Variants in DLG2 observed in about 807,000 individuals in gnomAD.
DLG2 encodes discs large MAGUK scaffold protein 2.
DLG2 carries 45 observed loss-of-function variants against 132.5 expected under a neutral mutation model. The ratio of observed to expected loss-of-function variants is 0.34; its 90% CI spans 0.27 to 0.44. The LOEUF is 0.44. Ranked by LOEUF, DLG2 falls within the 20% of genes least tolerant of loss-of-function variation. The probability of loss-of-function intolerance (pLI) is 1.00; values close to 1 mark genes in which losing one functional copy is unlikely to be tolerated. For synonymous variants in DLG2, 424 were observed against 419.6 expected (o/e 1.01, Z -0.13); for missense variants, 1,045 against 1,196.9 (o/e 0.87, Z 1.87).
intron 6 of DLG2, among the ~76,000 whole-genome samples, chr11:84,933,137 G>T (rs190957986): frequency 1.3e-5 from 2 of 151,990 alleles, no homozygotes; most frequent in Non-Finnish European, 2.9e-5. Context: ...ATATATGTTT[G>T]TTGGCCACAT....
intron 6 of DLG2, among the ~76,000 whole-genome samples, chr11:84,656,457 GAA>G (rs1281903066): frequency 2.6e-5 from 4 of 152,068 alleles, no homozygotes; most frequent in Admixed American, 6.6e-5. Flanking sequence ...TTTATCATAC[GAA>G]GAGTATAGCC....
At chr11:83,987,142 A>G (rs2093380565) in intron 11 of DLG2, among the ~76,000 whole-genome samples, 1 of 152,124 alleles carries the variant, frequency 6.6e-6, no homozygotes, top group South Asian at 2.1e-4. Context: ...CTTACAAGGG[A>G]CACGAAGGAC....
chr11:84,747,631 T>C (rs2065549692), intron 6 of DLG2, among the ~76,000 whole-genome samples: 1 of 152,234 alleles, frequency 6.6e-6, no homozygotes, highest in African/African-American at 2.4e-5. Context: ...TGCACTAAGG[T>C]ACTGAATAAT....
intron 6 of DLG2, among the ~76,000 whole-genome samples, chr11:84,676,715 G>T (rs1266336774): frequency 1.3e-5 from 2 of 151,996 alleles, no homozygotes; most frequent in African/African-American, 4.8e-5. Context: ...AGTGGCTCTT[G>T]TCTTTACATT....
intron 6 of DLG2, among the ~76,000 whole-genome samples, chr11:84,779,518 T>C (rs2153905008): frequency 6.6e-6 from 1 of 152,282 alleles, no homozygotes; most frequent in Admixed American, 6.5e-5. Flanking sequence ...CAGGAATAAC[T>C]TGACTTCCTC....
chr11:83,891,542 T>C (rs1192679505), intron 15 of DLG2, among the ~76,000 whole-genome samples: 2 of 152,170 alleles, frequency 1.3e-5, no homozygotes, highest in African/African-American at 4.8e-5. Context: ...CTCAGGTTTA[T>C]AAAACAGCTG....
intron 3 of DLG2, among the ~76,000 whole-genome samples, chr11:85,456,576 TC>T (rs1289480773): frequency 1.3e-5 from 2 of 152,194 alleles, no homozygotes; most frequent in Non-Finnish European, 2.9e-5. Context: ...TAATTTTAGA[TC>T]TTTCAAGCCT....
At chr11:83,698,758 T>C (rs1261460992) in intron 18 of DLG2, among the ~76,000 whole-genome samples, 1 of 152,226 alleles carries the variant, frequency 6.6e-6, no homozygotes, top group Non-Finnish European at 1.5e-5. Flanking sequence ...TTATCTCTTC[T>C]CATCCTACGT....
intron 10 of DLG2, among the ~76,000 whole-genome samples, chr11:84,088,943 G>A (rs2097042018): frequency 6.6e-6 from 1 of 152,124 alleles, no homozygotes; most frequent in Non-Finnish European, 1.5e-5. Context: ...TGAAATAAAT[G>A]TTTACTTGGA....
At chr11:85,215,293 T>C (rs1002006037) in intron 4 of DLG2, among the ~76,000 whole-genome samples, 2 of 152,230 alleles carry the variant, frequency 1.3e-5, no homozygotes, top group South Asian at 2.1e-4. Context: ...AATTTTTTGC[T>C]AATGGTTACT....
At chr11:85,027,185 T>C (rs1268147789) in intron 6 of DLG2, among the ~76,000 whole-genome samples, 1 of 146,046 alleles carries the variant, frequency 6.8e-6, no homozygotes, top group Non-Finnish European at 1.5e-5. Flanking sequence ...TTTTTTTTTT[T>C]TTTTTTTTTT....
chr11:84,131,318 G>A (rs1336392939), intron 9 of DLG2, among the ~76,000 whole-genome samples: 2 of 151,976 alleles, frequency 1.3e-5, no homozygotes, highest in Non-Finnish European at 2.9e-5. Flanking sequence ...TGTTCTAATG[G>A]TAAATATGCC....
intron 7 of DLG2, among the ~76,000 whole-genome samples, chr11:84,450,951 T>A (rs2099049908): frequency 6.6e-6 from 1 of 151,870 alleles, no homozygotes; most frequent in Non-Finnish European, 1.5e-5. Context: ...TGTGTATAAC[T>A]GATCTGTAAT....
chr11:85,267,244 C>A (rs2077270238), intron 4 of DLG2, among the ~76,000 whole-genome samples: 3 of 152,194 alleles, frequency 2.0e-5, no homozygotes, highest in African/African-American at 7.2e-5. Flanking sequence ...AACAACACGG[C>A]TATCTATAAA....
chr11:85,618,229 G>T (rs1214503006), intron 2 of DLG2, among the ~76,000 whole-genome samples: 1 of 151,956 alleles, frequency 6.6e-6, no homozygotes, highest in Non-Finnish European at 1.5e-5. Context: ...ATAAATTCCT[G>T]GGCAAGAATT....
At chr11:85,197,110 T>C (rs1344483236) in intron 4 of DLG2, among the ~76,000 whole-genome samples, 1 of 152,202 alleles carries the variant, frequency 6.6e-6, no homozygotes, top group African/African-American at 2.4e-5. Flanking sequence ...CAAAGGAGTA[T>C]AGGCACAAGA....
intron 3 of DLG2, among the ~76,000 whole-genome samples, chr11:85,370,442 G>A (rs1004859919): frequency 3.3e-5 from 5 of 152,142 alleles, no homozygotes; most frequent in African/African-American, 4.8e-5. Context: ...TCATGTGAAC[G>A]TATTGACTAA....
At chr11:84,726,318 C>T (rs56062417) in intron 6 of DLG2, among the ~76,000 whole-genome samples, 60,334 of 151,740 alleles carry the variant, frequency 0.4, 13,410 homozygotes, top group African/African-American at 0.61. Flanking sequence ...CCTATGTCCA[C>T]GTGTTCTCAT....
At chr11:83,561,714 T>C (rs2142883754) in intron 19 of DLG2, among the ~76,000 whole-genome samples, 1 of 152,196 alleles carries the variant, frequency 6.6e-6, no homozygotes, top group African/African-American at 2.4e-5. Context: ...TTCCCTTTGA[T>C]TTACACTGAG....
Sources: allele counts gnomAD v4.1 joint callset (sites outside exome capture counted in the v4.1 genomes callset), GRCh38; gene constraint gnomAD v4.1.1; transcripts MANE v1.5; gene names NCBI Gene and HGNC (gene_info 2026-07-23, HGNC 2026-07-21).